The following PCCA variants were observed in gnomAD, a reference collection of about 807,000 sequenced individuals.
PCCA encodes the protein propionyl-CoA carboxylase subunit alpha, also known as propionyl-CoA carboxylase alpha chain, mitochondrial.
Under a neutral mutation model 101.3 loss-of-function variants are expected in PCCA, and 74 were observed. The observed-to-expected ratio is 0.73, with a 90% CI of 0.61 to 0.89. The LOEUF is 0.89. Ranked by LOEUF, PCCA falls within the 40% of genes least tolerant of loss-of-function variation. PCCA has a pLI of 0.00. For missense variants in PCCA, 891 were observed against 907.0 expected (o/e 0.98, Z 0.23); for synonymous variants, 294 against 313.6 (o/e 0.94, Z 0.66).
At chr13:100,164,756 AT>A (rs1214848809) in intron 6 of PCCA, among the ~76,000 whole-genome samples, 9 of 152,062 alleles carry the variant, frequency 5.9e-5, no homozygotes, top group Non-Finnish European at 8.8e-5. Flanking sequence ...AGTGGCTTTA[AT>A]TTTATTCACA....
intron 19 of PCCA, among the ~76,000 whole-genome samples, chr13:100,400,726 A>C (rs1312150454): frequency 1.4e-5 from 2 of 146,022 alleles, no homozygotes; most frequent in African/African-American, 5.1e-5. Context: ...ACTGGGTTCA[A>C]GCGATTCTTC....
chr13:100,316,869 G>GAGAA (rs2067406556), intron 16 of PCCA, among the ~76,000 whole-genome samples: 2 of 151,900 alleles, frequency 1.3e-5, no homozygotes, highest in South Asian at 4.2e-4. Context: ...TGCCTCCCAG[G>GAGAA]TTCAAGCAAT....
chr13:100,339,826 G>A lies in PCCA; in HGVS notation c.1541-331G>A, dbSNP rs2071035187. Among the ~76,000 whole-genome samples the A allele has an allele frequency of 3.9e-5, 6 of 152,224 alleles. No individual in the cohort carries two copies. In the South Asian group the frequency reaches 1.2e-3, roughly 31 times the overall value. ...CTGGGCTGGGAAAGGACAGAGAGAAGCAGATGTGAGGAGCTTATGCTTTTC... is the reference window on the plus strand; with the variant it reads ...CTGGGCTGGGAAAGGACAGAGAGAAACAGATGTGAGGAGCTTATGCTTTTC... On this transcript the variant is annotated intron_variant, in intron 17 of 23. Transcript: ENST00000376285.
chr13:100,372,806 C>G (rs943803121), intron 19 of PCCA, among the ~76,000 whole-genome samples: 2 of 152,206 alleles, frequency 1.3e-5, no homozygotes, highest in African/African-American at 4.8e-5. Context: ...GTGGCACAAT[C>G]TTGGCTCACT....
rs374941593 is a variant in PCCA at position 100,089,101 on chromosome 13, G to A, written c.-20G>A. 4.2e-4 allele frequency: 618 copies of A among 1,470,070 alleles called. 4 individuals are homozygous for A. Among genetic ancestry groups the A allele is most frequent in the South Asian group, 3.4e-3 (250 of 72,638 alleles). 91.1% of individuals were successfully genotyped at this position (1,470,070 alleles called of 1,614,324 possible). On this transcript the variant is annotated 5_prime_UTR_variant, in exon 1 of 24. Coordinates refer to ENST00000376285, the MANE Select transcript of PCCA (RefSeq NM_000282.4). ...CGGCTGTGTGAGAGGTCAGCAGAGG[G>A]GCGGTCTGCGGGGACAACAATGGCG...
chr13:100,484,704 A>G (rs551375702), intron 21 of PCCA, among the ~76,000 whole-genome samples: 25 of 152,342 alleles, frequency 1.6e-4, no homozygotes, highest in African/African-American at 6.0e-4. Context: ...CTCAGAAGAA[A>G]CTAATGGAGC....
At chr13:100,485,375 A>G (rs2084292250) in intron 21 of PCCA, among the ~76,000 whole-genome samples, 1 of 152,192 alleles carries the variant, frequency 6.6e-6, no homozygotes, top group Non-Finnish European at 1.5e-5. Flanking sequence ...GCAAGTTTCT[A>G]GGCAAGGTTT....
intron 2 of PCCA, among the ~76,000 whole-genome samples, chr13:100,106,484 C>T (rs1326334841): frequency 6.6e-6 from 1 of 152,118 alleles, no homozygotes; most frequent in African/African-American, 2.4e-5. Context: ...GATCTTGGCT[C>T]ACTGCAACCT....
intron 19 of PCCA, among the ~76,000 whole-genome samples, chr13:100,381,842 A>G (rs776620946): frequency 1.3e-5 from 2 of 152,188 alleles, no homozygotes; most frequent in African/African-American, 4.8e-5. Flanking sequence ...TGCCTTCCAC[A>G]CCTCGTAGGA....
At chr13:100,152,884 A>G (rs1000043530) in intron 4 of PCCA, among the ~76,000 whole-genome samples, 1 of 152,248 alleles carries the variant, frequency 6.6e-6, no homozygotes, top group Non-Finnish European at 1.5e-5. Flanking sequence ...AAAAATGTCA[A>G]TACTATTAGG....
intron 4 of PCCA, among the ~76,000 whole-genome samples, chr13:100,121,889 C>G (rs2049437404): frequency 6.6e-6 from 1 of 152,180 alleles, no homozygotes; most frequent in Admixed American, 6.5e-5. Flanking sequence ...ACTTCCAGAA[C>G]AATGTTGAAG....
At chr13:100,297,506 A>G (rs1231962394) in intron 12 of PCCA, among the ~76,000 whole-genome samples, 1 of 152,208 alleles carries the variant, frequency 6.6e-6, no homozygotes, top group Non-Finnish European at 1.5e-5. Context: ...GCACAACCTA[A>G]TTTACCTCAC....
At chr13:100,232,299 C>T (rs1230957998) in intron 7 of PCCA, among the ~76,000 whole-genome samples, 5 of 149,584 alleles carry the variant, frequency 3.3e-5, no homozygotes, top group Admixed American at 2.7e-4. Flanking sequence ...GTTCTTTCTC[C>T]CTGATCTTTC....
chr13:100,510,275 C>T (rs899409133), intron 21 of PCCA, among the ~76,000 whole-genome samples: 6 of 152,286 alleles, frequency 3.9e-5, no homozygotes, highest in African/African-American at 9.6e-5. Context: ...TTTGCTTTCT[C>T]GCCTGTGGCT....
intron 17 of PCCA, among the ~76,000 whole-genome samples, chr13:100,338,614 A>G (rs1322309812): frequency 6.6e-6 from 1 of 151,354 alleles, no homozygotes; most frequent in Non-Finnish European, 1.5e-5. Context: ...ATGTAATCAT[A>G]TGGGATGTTT....
At chr13:100,325,572 A>G (rs2068579528) in intron 16 of PCCA, among the ~76,000 whole-genome samples, 1 of 152,234 alleles carries the variant, frequency 6.6e-6, no homozygotes, top group Admixed American at 6.5e-5. Flanking sequence ...ATTTCTTAGT[A>G]GGGAAAAGAA....
intron 10 of PCCA, among the ~76,000 whole-genome samples, chr13:100,264,020 CTG>C (rs1271981958): frequency 2.0e-5 from 3 of 147,364 alleles, no homozygotes; most frequent in Admixed American, 6.8e-5. Flanking sequence ...TATACGGTAT[CTG>C]TATATCGTAT....
intron 16 of PCCA, among the ~76,000 whole-genome samples, chr13:100,326,116 G>A (rs900470464): frequency 6.6e-6 from 1 of 152,180 alleles, no homozygotes; most frequent in Non-Finnish European, 1.5e-5. Flanking sequence ...CCCAAAATTT[G>A]TGCTGGAGAA....
chr13:100,508,536 A>G (rs552391630), intron 21 of PCCA, among the ~76,000 whole-genome samples: 7 of 152,236 alleles, frequency 4.6e-5, no homozygotes, highest in South Asian at 4.1e-4. Flanking sequence ...GACATTATCA[A>G]TTGTGTGTCA....
Sources: gnomAD v4.1 joint callset for allele counts (sites outside exome capture counted in the v4.1 genomes callset) on GRCh38, gnomAD v4.1.1 for gene constraint, MANE v1.5 for transcripts, NCBI Gene and HGNC (gene_info 2026-07-23, HGNC 2026-07-21) for gene names.